The following SLC48A1 variants were observed in gnomAD, a reference collection of about 807,000 sequenced individuals.
The protein encoded by SLC48A1 is heme transporter HRG1.
SLC48A1 carries 6 observed loss-of-function variants against 14.8 expected under a neutral mutation model. The observed-to-expected ratio is 0.41, with a 90% CI of 0.22 to 0.80. SLC48A1 has a LOEUF of 0.80. Among genes scored for constraint, SLC48A1 ranks in the 30% least tolerant of loss-of-function variants. The probability of loss-of-function intolerance (pLI) is 0.34; values close to 1 mark genes in which losing one functional copy is unlikely to be tolerated. For missense variants in SLC48A1, 165 were observed against 204.8 expected (o/e 0.81, Z 1.19); for synonymous variants, 89 against 90.0 (o/e 0.99, Z 0.06).
chr12:47,765,000 C>T (rs1942481770), intron 2 of SLC48A1, among the ~76,000 whole-genome samples: 2 of 140,032 alleles, frequency 1.4e-5, no homozygotes, highest in South Asian at 4.6e-4. Context: ...TCGCTTAAAC[C>T]TGGAAGGCGG....
intron 2 of SLC48A1, among the ~76,000 whole-genome samples, chr12:47,762,517 G>A (rs1247771703): frequency 6.6e-6 from 1 of 152,194 alleles, no homozygotes; most frequent in African/African-American, 2.4e-5. Context: ...AGCATCTCTT[G>A]CATCTCTCTG....
At chr12:47,759,567 G>A (rs976113126) in intron 1 of SLC48A1, among the ~76,000 whole-genome samples, 3 of 145,586 alleles carry the variant, frequency 2.1e-5, no homozygotes, top group Admixed American at 2.0e-4. Flanking sequence ...GCCCCCTACC[G>A]CGCGCTCCCT....
upstream of SLC48A1, chr12:47,758,130 G>A (rs1427831257): frequency 6.5e-7 from 1 of 1,527,348 alleles, no homozygotes; most frequent in Admixed American, 2.0e-5. Flanking sequence ...TGGGGCGGCT[G>A]GGCCACAGTA....
At chr12:47,767,785 C>A (rs535038054), upstream of SLC48A1, among the ~76,000 whole-genome samples, 16 of 152,264 alleles carry the variant, frequency 1.1e-4, no homozygotes, top group East Asian at 3.1e-3. Flanking sequence ...GCACAAAAAA[C>A]CTGGGACAGG....
At chr12:47,757,013 G>T (rs1942109339), upstream of SLC48A1, among the ~76,000 whole-genome samples, 1 of 151,876 alleles carries the variant, frequency 6.6e-6, no homozygotes, top group Admixed American at 6.6e-5. Context: ...AACTCTCCCG[G>T]CCAAGCGCAG....
upstream of SLC48A1, chr12:47,773,216 G>C (rs1355930938): frequency 9.3e-7 from 1 of 1,076,354 alleles, no homozygotes; most frequent in Non-Finnish European, 1.1e-6. Flanking sequence ...CTGCTCTGGC[G>C]GCTCCCGCGG....
chr12:47,757,934 GC>G, upstream of SLC48A1: 4 of 1,557,154 alleles, frequency 2.6e-6, no homozygotes, highest in East Asian at 9.6e-5. Flanking sequence ...CAGCTTCGGG[GC>G]CGGTGCATCC....
chr12:47,764,363 A>G (rs75464001), intron 2 of SLC48A1, among the ~76,000 whole-genome samples: 18,095 of 151,908 alleles, frequency 0.12, 1,361 homozygotes, highest in Non-Finnish European at 0.17. Flanking sequence ...AACTTTCCCC[A>G]CCTTCCCAAA....
rs778945530 is a variant in SLC48A1, at chr12:47,780,737, TTG to T, written c.*460_*461del. The T allele has an allele frequency of 2.5e-6, 1 of 397,814 alleles. No individual in the cohort carries two copies. Among genetic ancestry groups the T allele is most frequent in the South Asian group, 1.9e-5 (1 of 53,768 alleles). 24.6% of individuals were successfully genotyped at this position (397,814 alleles called of 1,614,324 possible). A position where few individuals can be genotyped will look rare whatever the true frequency, so the allele number is the denominator to read the frequency against. The stretch of plus-strand genomic sequence containing the variant: ...ATCTGCCACCATGCCCGGCAAATTT[TTG>T]TGTTTTTAGTAGAGACAGGGTTTTG... On this transcript the variant is annotated 3_prime_UTR_variant, in exon 3 of 3. Coordinates refer to ENST00000442218, the MANE Select transcript of SLC48A1 (RefSeq NM_017842.3).
chr12:47,757,936 C>A (rs555142030), upstream of SLC48A1: 15 of 1,557,494 alleles, frequency 9.6e-6, no homozygotes, highest in South Asian at 1.5e-4. Flanking sequence ...GCTTCGGGGC[C>A]GGTGCATCCT....
At position 47,780,264 on chromosome 12, in the gene SLC48A1, A is replaced by G; in HGVS notation, c.424A>G (p.Ile142Val). Residue 142 changes from isoleucine (I) to valine (V), a missense_variant, in exon 3 of 3, where the codon ATC (isoleucine) becomes GTC (valine). Ile to Val is a conservative substitution (Grantham distance 29). Transcript: ENST00000442218. ...RYRADFADIS[I>V]LSDF ...CCGGGCTGACTTTGCTGACATCAGCATCCTCAGCGATTTCTGACCCAGGGG... is the reference window on the plus strand; with the variant it reads ...CCGGGCTGACTTTGCTGACATCAGCGTCCTCAGCGATTTCTGACCCAGGGG... The G allele has an allele frequency of 1.2e-6, 2 of 1,614,228 alleles. No individual in the cohort carries two copies. The highest frequency in any genetic ancestry group is 1.6e-4 in the Middle Eastern group (1 of 6,062).
upstream of SLC48A1, among the ~76,000 whole-genome samples, chr12:47,756,670 C>T (rs1057248228): frequency 6.6e-6 from 1 of 152,074 alleles, no homozygotes. Flanking sequence ...AAGGACTTGC[C>T]AATAAGAAGT....
intron 1 of SLC48A1, 95 bp from the exon 2 acceptor site, chr12:47,778,933 T>C: frequency 7.6e-7 from 1 of 1,321,868 alleles, no homozygotes; most frequent in East Asian, 2.6e-5. Context: ...GACAAGACCA[T>C]ATTCTTGGTA....
At chr12:47,757,799 C>A, upstream of SLC48A1, 2 of 1,430,518 alleles carry the variant, frequency 1.4e-6, no homozygotes, top group Non-Finnish European at 1.9e-6. Context: ...GCATGCCAAG[C>A]CATGATCTAG....
chr12:47,776,155 G>A (rs1942748051), intron 1 of SLC48A1, among the ~76,000 whole-genome samples: 1 of 152,148 alleles, frequency 6.6e-6, no homozygotes, highest in African/African-American at 2.4e-5. Flanking sequence ...TTTACCCTGT[G>A]GGATCCCCCG....
intron 2 of SLC48A1, among the ~76,000 whole-genome samples, chr12:47,760,795 A>C (rs763548452): frequency 6.6e-6 from 1 of 152,190 alleles, no homozygotes; most frequent in Non-Finnish European, 1.5e-5. Context: ...CTGGGGCATG[A>C]ATCCAGGTTG....
intron 1 of SLC48A1, among the ~76,000 whole-genome samples, chr12:47,774,008 G>A (rs977589600): frequency 6.6e-6 from 1 of 152,272 alleles, no homozygotes; most frequent in African/African-American, 2.4e-5. Context: ...GACCCACAGG[G>A]AGGACGGCGT....
rs545974226 is a variant in SLC48A1 at position 47,765,060 on chromosome 12, G to A, written c.-187+4659G>A. Among the ~76,000 whole-genome samples the A allele has an allele frequency of 5.0e-3, 527 of 105,918 alleles. 2 individuals carry two copies. Among genetic ancestry groups the A allele is most frequent in the Non-Finnish European group, 7.2e-3 (417 of 57,924 alleles). 69.5% of individuals were successfully genotyped at this position (105,918 alleles called of 152,430 possible). On this transcript the variant is annotated intron_variant, in intron 2 of 4. Coordinates refer to the SLC48A1 transcript ENST00000547002. ...CCACTGCACTCCAGCCTGGGCAACA[G>A]AGTGAGACTCTGTCTCAAAAAAAAA... is the stretch of plus-strand genomic sequence containing the variant.
upstream of SLC48A1, chr12:47,753,953 A>G (rs1941906591): frequency 6.6e-6 from 1 of 152,244 alleles, no homozygotes; most frequent in South Asian, 2.1e-4. Context: ...GCACTGAGGA[A>G]GGGACTTTAA....
Sources: allele counts gnomAD v4.1 joint callset (sites outside exome capture counted in the v4.1 genomes callset), GRCh38; gene constraint gnomAD v4.1.1; transcripts MANE v1.5; gene names NCBI Gene and HGNC (gene_info 2026-07-23, HGNC 2026-07-21).